Variants in ANKRD36B observed in about 807,000 individuals in gnomAD.
The protein encoded by ANKRD36B is ankyrin repeat domain 36B, also known as ankyrin repeat domain-containing protein 36B.
In ANKRD36B, 37 loss-of-function variants were observed where a neutral mutation model predicts 135.7. The ratio of observed to expected loss-of-function variants is 0.27; its 90% CI spans 0.21 to 0.36. The LOEUF (loss-of-function observed/expected upper bound fraction) is 0.36. ANKRD36B is among the 10% of genes least tolerant of loss of function. The pLI is 1.00. For missense variants in ANKRD36B, 549 were observed against 1,037.1 expected, an observed-to-expected ratio of 0.53 and a Z score of 6.46; for synonymous variants, 179 against 348.1, an observed-to-expected ratio of 0.51 and a Z score of 5.41.
chr2:97,564,164 T>A (rs922360228), intron 6 of ANKRD36B, among the ~76,000 whole-genome samples: 151 of 151,390 alleles, frequency 1.0e-3, no homozygotes, highest in Middle Eastern at 3.4e-3. Context: ...TTTGCTTTTT[T>A]TAAAAAAAAA....
intron 6 of ANKRD36B, among the ~76,000 whole-genome samples, chr2:97,570,155 A>C (rs2081743903): frequency 6.6e-6 from 1 of 152,188 alleles, no homozygotes; most frequent in Non-Finnish European, 1.5e-5. Flanking sequence ...TATTCACCAA[A>C]ATTCCAAAAT....
intron 43 of ANKRD36B, among the ~76,000 whole-genome samples, chr2:97,494,472 G>C (rs1171120183): frequency 9.4e-6 from 1 of 106,900 alleles, no homozygotes; most frequent in Non-Finnish European, 2.6e-5. Flanking sequence ...ACCACCTTTC[G>C]TGTAATGCAG....
chr2:97,541,596 C>G (rs2079153136), intron 28 of ANKRD36B, among the ~76,000 whole-genome samples: 1 of 95,836 alleles, frequency 1.0e-5, no homozygotes, highest in Non-Finnish European at 2.8e-5. Context: ...ATCTCTTTCT[C>G]CTTCCCCTCT....
intron 35 of ANKRD36B, among the ~76,000 whole-genome samples, chr2:97,530,746 G>A (rs1405873221): frequency 1.0e-5 from 1 of 96,830 alleles, no homozygotes; most frequent in Admixed American, 9.1e-5. Context: ...GTGGGCAAAG[G>A]ATATCAACAG....
chr2:97,542,946 G>A (rs2079217015), intron 26 of ANKRD36B, among the ~76,000 whole-genome samples: 1 of 129,374 alleles, frequency 7.7e-6, no homozygotes, highest in Non-Finnish European at 1.8e-5. Context: ...CATTATTTTT[G>A]TTTCTAAAAT....
chr2:97,570,549 A>G (rs2081773519), intron 6 of ANKRD36B, among the ~76,000 whole-genome samples: 1 of 152,166 alleles, frequency 6.6e-6, no homozygotes, highest in Non-Finnish European at 1.5e-5. Context: ...ATGCCTATGT[A>G]ACTAGCTTCC....
At chr2:97,558,006 T>C (rs1313835695) in intron 10 of ANKRD36B, among the ~76,000 whole-genome samples, 2 of 151,962 alleles carry the variant, frequency 1.3e-5, no homozygotes, top group African/African-American at 4.8e-5. Context: ...TAAAATATCA[T>C]GTTATTCTCT....
chr2:97,562,644 C>G (rs1187592676), intron 6 of ANKRD36B, among the ~76,000 whole-genome samples: 1 of 151,894 alleles, frequency 6.6e-6, no homozygotes, highest in Admixed American at 6.6e-5. Context: ...ACATTTTTTT[C>G]GTTCATAAAT....
At chr2:97,585,169 C>T (rs2082891077) in intron 2 of ANKRD36B, 52 bp from the exon 3 acceptor site, 1 of 1,613,390 alleles carries the variant, frequency 6.2e-7, no homozygotes, top group Non-Finnish European at 8.5e-7. Context: ...TCAAAATAAA[C>T]ACTCCGTAGG....
At chr2:97,548,444 G>A (rs999689364) in intron 20 of ANKRD36B, among the ~76,000 whole-genome samples, 1 of 151,880 alleles carries the variant, frequency 6.6e-6, no homozygotes, top group Non-Finnish European at 1.5e-5. Context: ...TATCAATTTT[G>A]ACATACCTAT....
chr2:97,539,937 T>C (rs2104524314), intron 30 of ANKRD36B, 97 bp downstream of exon 30: 1 of 534,132 alleles, frequency 1.9e-6, no homozygotes, highest in South Asian at 1.6e-5. Flanking sequence ...AATCGGAATG[T>C]GCAGCTGCGA....
chr2:97,568,150 T>G (rs1473730621), intron 6 of ANKRD36B, among the ~76,000 whole-genome samples: 1 of 152,038 alleles, frequency 6.6e-6, no homozygotes, highest in Non-Finnish European at 1.5e-5. Flanking sequence ...TAGATATATA[T>G]GTATTTTTAA....
At chr2:97,550,306 A>G (rs2079922631) in intron 18 of ANKRD36B, among the ~76,000 whole-genome samples, 1 of 150,692 alleles carries the variant, frequency 6.6e-6, no homozygotes, top group Non-Finnish European at 1.5e-5. Flanking sequence ...CCTCAATAAA[A>G]ATATCATCAA....
chr2:97,561,238 T>G (rs2080997387), intron 6 of ANKRD36B, among the ~76,000 whole-genome samples: 1 of 151,948 alleles, frequency 6.6e-6, no homozygotes. Context: ...TGCACCCACA[T>G]GTCTTTCATG....
rs560893285 is a variant in ANKRD36B, at chr2:97,558,182, T to G, written c.967+617A>C. Among the ~76,000 whole-genome samples, 916 of 152,070 alleles carry G rather than the reference T, an allele frequency of 6.0e-3. 7 individuals carry two copies. Among genetic ancestry groups the G allele is most frequent in the African/African-American group, 0.019 (799 of 41,516 alleles). On this transcript the variant is annotated intron_variant, in intron 10 of 43. Transcript: ENST00000359901. ...AGAGGAGTAATGAGTCACTGTGGTT[T>G]ATCCCAGTTCTAGTACTCCTTCCTG... is the stretch of plus-strand genomic sequence containing the variant.
chr2:97,566,325 G>GA (rs1372198111), intron 6 of ANKRD36B, among the ~76,000 whole-genome samples: 21 of 149,406 alleles, frequency 1.4e-4, no homozygotes, highest in African/African-American at 4.4e-4. Context: ...CATCTCAAAA[G>GA]AAAAAAAAAT....
chr2:97,549,132 A>C (rs1030703132), intron 20 of ANKRD36B, among the ~76,000 whole-genome samples: 2 of 151,908 alleles, frequency 1.3e-5, no homozygotes, highest in Non-Finnish European at 2.9e-5. Flanking sequence ...AATTAAAGCA[A>C]AACTATGCTC....
Position 97,558,803 on chromosome 2 carries a change from C to T in ANKRD36B, c.963G>A (p.Gly321=). The T allele has an allele frequency of 1.2e-6, 2 of 1,611,332 alleles. No individual in the cohort carries two copies. The highest frequency in any genetic ancestry group is 1.7e-4 in the Middle Eastern group (1 of 6,026). ...AAATGTGTTTTGCAAAATTACCTGT[C>T]CCAGATTGTTGTCCCTCCTTTATTT... ...ATEIKEGQQS[G]TVSPQKQSAQ... Residue 321 remains glycine (G), a synonymous_variant, in exon 10 of 44, where the codon GGG becomes GGA. Transcript: ENST00000359901.
chr2:97,550,380 C>T (rs2104641648), intron 18 of ANKRD36B, among the ~76,000 whole-genome samples: 1 of 151,964 alleles, frequency 6.6e-6, no homozygotes, highest in African/African-American at 2.4e-5. Context: ...TGATGTTTTA[C>T]ATTCAGAAAT....
Sources: allele counts gnomAD v4.1 joint callset (sites outside exome capture counted in the v4.1 genomes callset), GRCh38; gene constraint gnomAD v4.1.1; transcripts MANE v1.5; gene names NCBI Gene and HGNC (gene_info 2026-07-23, HGNC 2026-07-21).